Variants in UBR1 observed in about 807,000 individuals in gnomAD.
The protein encoded by UBR1 is E3 ubiquitin-protein ligase UBR1.
UBR1 carries 102 observed loss-of-function variants against 242.1 expected under a neutral mutation model. The observed-to-expected ratio is 0.42, with a 90% CI of 0.36 to 0.50. The LOEUF (loss-of-function observed/expected upper bound fraction) is 0.50, where lower values mean the gene tolerates loss of function less well. Among genes scored for constraint, UBR1 ranks in the 20% least tolerant of loss-of-function variants. UBR1 has a pLI of 0.01. For missense variants in UBR1, 1,772 were observed against 2,101.8 expected (o/e 0.84, Z 3.07); for synonymous variants, 675 against 684.8 (o/e 0.99, Z 0.22).
chr15:42,987,380 T>C lies in UBR1; in HGVS notation c.3997+1439A>G, dbSNP rs376301226. 9.9e-5 allele frequency among the ~76,000 whole-genome samples: 15 copies of C among 152,258 alleles called. No individual in the cohort carries two copies. The East Asian group carries it at 2.9e-3, about 29-fold the overall frequency. On this transcript the variant is annotated intron_variant, in intron 35 of 46. Coordinates refer to ENST00000290650, the MANE Select transcript of UBR1 (RefSeq NM_174916.3). ...CACTGAAAGCGACTCTTAAACTCTA[T>C]TAAGAAACTAATGATAGTATGTAGG...
At position 42,945,205 on chromosome 15, in the gene UBR1, G is replaced by T. The variant is rs539188547; in HGVS notation, c.*124C>A. 1.6e-4 allele frequency: 208 copies of T among 1,311,568 alleles called. 1 individual carries two copies. The South Asian group carries it at 2.4e-3, about 15-fold the overall frequency. The allele number at this position is 1,311,568 out of a possible 1,614,324, so 81.2% of individuals were successfully genotyped here. A position where few individuals can be genotyped will look rare whatever the true frequency, so the allele number is the denominator to read the frequency against. ...ATTAAGAAATATTTTATTGATGTAA[G>T]TGAACCTGGACATGGAGCAAAAGAC... On this transcript the variant is annotated 3_prime_UTR_variant, in exon 47 of 47. Coordinates refer to ENST00000290650, the MANE Select transcript of UBR1 (RefSeq NM_174916.3).
Position 43,017,085 on chromosome 15 carries a change from A to G in UBR1, c.3027+10T>C. The G allele has an allele frequency of 6.2e-7, 1 of 1,600,552 alleles. No homozygotes were observed. The highest frequency in any genetic ancestry group is 8.6e-7 in the Non-Finnish European group (1 of 1,167,924). Reference sequence around the variant, plus strand: ...GTCACCATTACTACAGTGTTATTACAGTGTCATACCTCATCATTCTTAATA... The same window carrying G: ...GTCACCATTACTACAGTGTTATTACGGTGTCATACCTCATCATTCTTAATA... On this transcript the variant is annotated intron_variant, in intron 28 of 46. Transcript: ENST00000290650.
At chr15:43,018,660 G>A (rs2033062874) in intron 27 of UBR1, among the ~76,000 whole-genome samples, 1 of 152,138 alleles carries the variant, frequency 6.6e-6, no homozygotes, top group Admixed American at 6.5e-5. Context: ...CAAAGTGCTG[G>A]AACTATAGGT....
At chr15:42,952,246 A>C in intron 45 of UBR1, 32 bp downstream of exon 45, 1 of 1,614,054 alleles carries the variant, frequency 6.2e-7, no homozygotes, top group Non-Finnish European at 8.5e-7. Context: ...CCTTAAGTTC[A>C]TCATGAAGCT....
chr15:43,078,767 G>T (rs2033937639), intron 3 of UBR1, among the ~76,000 whole-genome samples: 1 of 152,104 alleles, frequency 6.6e-6, no homozygotes, highest in Non-Finnish European at 1.5e-5. Flanking sequence ...CCAAGAGTTT[G>T]AGATCAGCCT....
Position 43,003,821 on chromosome 15 carries a change from C to G in UBR1, c.3509+16G>C. 6.2e-7 allele frequency: 1 copy of G among 1,613,646 alleles called. No homozygotes were observed. The highest frequency in any genetic ancestry group is 8.5e-7 in the Non-Finnish European group (1 of 1,179,678). On this transcript the variant is annotated intron_variant, in intron 31 of 46. Transcript: ENST00000290650. ...TTCCTAGTCTCTTTCAAGAACATGT[C>G]AGAAGGACAACTTACTTCTGCCAGC...
intron 39 of UBR1, among the ~76,000 whole-genome samples, chr15:42,973,885 GTTTTTTTTTTTT>G (rs1174730906): frequency 8.3e-6 from 1 of 120,252 alleles, no homozygotes; most frequent in South Asian, 2.8e-4. Context: ...ACTTGTAGGA[GTTTTTTTTTTTT>G]TTTTTTTTTG....
chr15:43,065,387 G>C (rs140273062), intron 6 of UBR1, among the ~76,000 whole-genome samples: 2 of 151,674 alleles, frequency 1.3e-5, no homozygotes, highest in East Asian at 3.9e-4. Context: ...TTAATTTCCA[G>C]GGTACATGGG....
rs1438922220 is a variant in UBR1, at chr15:43,024,831, T to C, written c.2737A>G (p.Met913Val). 2 of 1,614,128 alleles carry C rather than the reference T, an allele frequency of 1.2e-6. No homozygotes were observed. Among genetic ancestry groups the C allele is most frequent in the Admixed American group, 1.7e-5 (1 of 60,014 alleles). Residue 913 changes from methionine (M) to valine (V), a missense_variant and splice_region_variant, in exon 25 of 47, where the codon ATG becomes GTG. Physicochemically the swap from Met to Val is conservative, Grantham distance 21. Transcript: ENST00000290650. ...SNLWTEGMLQ[M>V]AFHILALGLL... The stretch of plus-strand genomic sequence containing the variant: ...GAAAATATTTCAGGTAAACAAACCA[T>C]TTGGAGCATCCCTTCGGTCCACAAG...
intron 4 of UBR1, among the ~76,000 whole-genome samples, chr15:43,072,432 A>G (rs187737201): frequency 6.6e-6 from 1 of 152,340 alleles, no homozygotes; most frequent in Non-Finnish European, 1.5e-5. Context: ...GTTGTAACTG[A>G]TAAAACAGAC....
At chr15:43,005,063 G>A (rs977344740) in intron 30 of UBR1, among the ~76,000 whole-genome samples, 4 of 148,336 alleles carry the variant, frequency 2.7e-5, no homozygotes, top group Admixed American at 1.3e-4. Flanking sequence ...GTCTCTGCCC[G>A]ACCGCCACCC....
chr15:43,055,364 A>C (rs1282422802), intron 11 of UBR1, among the ~76,000 whole-genome samples: 1 of 152,130 alleles, frequency 6.6e-6, no homozygotes, highest in Admixed American at 6.6e-5. Flanking sequence ...GAATCGCTTG[A>C]ACCAGGAGGC....
In UBR1 at chr15:42,943,510, T is replaced by A. The variant is rs2141244256; in HGVS notation, c.*1819A>T. 6.5e-6 allele frequency: 1 copy of A among 152,718 alleles called. No homozygotes were observed. The highest frequency in any genetic ancestry group is 2.4e-5 in the African/African-American group (1 of 41,590). The allele number at this position is 152,718 out of a possible 1,614,324, so 9.5% of individuals were successfully genotyped here. A position where few individuals can be genotyped will look rare whatever the true frequency, so the allele number is the denominator to read the frequency against. ...GGTTCTTTGGCAGTAAAGGTCTGGCTGGCCATTGCCAGACAGTCCCTCTGT... is the reference window on the plus strand; with the variant it reads ...GGTTCTTTGGCAGTAAAGGTCTGGCAGGCCATTGCCAGACAGTCCCTCTGT... On this transcript the variant is annotated 3_prime_UTR_variant, in exon 47 of 47. Transcript: ENST00000290650.
intron 2 of UBR1, 21 bp from the exon 3 acceptor site, chr15:43,082,737 G>C (rs1439365692): frequency 8.7e-6 from 14 of 1,604,534 alleles, no homozygotes; most frequent in Non-Finnish European, 8.5e-6. Context: ...TCAGAAATCA[G>C]ATTCCAAAAT....
At chr15:42,950,628 G>C (rs553452108) in intron 45 of UBR1, 15 of 453,970 alleles carry the variant, frequency 3.3e-5, no homozygotes, top group Non-Finnish European at 6.0e-5. Context: ...TTGAAGGGAG[G>C]AAACTGTCCT....
At chr15:42,964,503 C>G (rs768203305) in intron 41 of UBR1, among the ~76,000 whole-genome samples, 1 of 151,704 alleles carries the variant, frequency 6.6e-6, no homozygotes, top group African/African-American at 2.4e-5. Context: ...ACAAACAAAA[C>G]CCATGGGTGG....
chr15:43,041,136 A>G (rs2033412373), intron 15 of UBR1, among the ~76,000 whole-genome samples: 1 of 152,238 alleles, frequency 6.6e-6, no homozygotes, highest in South Asian at 2.1e-4. Context: ...ATAAAGACAC[A>G]TGCACACGTA....
intron 32 of UBR1, among the ~76,000 whole-genome samples, chr15:42,998,488 C>G (rs1325028804): frequency 1.3e-5 from 2 of 152,144 alleles, no homozygotes; most frequent in Non-Finnish European, 2.9e-5. Context: ...TGCCAATCAC[C>G]CACAGGTAGT....
At position 42,949,450 on chromosome 15, in the gene UBR1, A is replaced by T. The variant is rs555414059; in HGVS notation, c.5108+812T>A. On this transcript the variant is annotated intron_variant, in intron 46 of 46. Coordinates refer to ENST00000290650, the MANE Select transcript of UBR1 (RefSeq NM_174916.3). ...ATAATAATAATAAAATAAAATAAAAAAAAAATTATGTGCTAAAGAATGACA... is the reference window on the plus strand; with the variant it reads ...ATAATAATAATAAAATAAAATAAAATAAAAATTATGTGCTAAAGAATGACA... Among the ~76,000 whole-genome samples the T allele has an allele frequency of 4.2e-4, 64 of 151,270 alleles. 1 individual carries two copies. Among genetic ancestry groups the T allele is most frequent in the South Asian group, 1.5e-3 (7 of 4,786 alleles).
Sources: gnomAD v4.1 joint callset for allele counts (sites outside exome capture counted in the v4.1 genomes callset) on GRCh38, gnomAD v4.1.1 for gene constraint, MANE v1.5 for transcripts, NCBI Gene and HGNC (gene_info 2026-07-23, HGNC 2026-07-21) for gene names.